ROBO1: variants seen among roughly 807,000 people sequenced by gnomAD.
ROBO1 encodes roundabout guidance receptor 1.
In ROBO1, 149 loss-of-function variants were observed where a neutral mutation model predicts 195.9. The observed-to-expected ratio is 0.76, with a 90% CI of 0.67 to 0.87. The LOEUF (loss-of-function observed/expected upper bound fraction) is 0.87. Among genes scored for constraint, ROBO1 ranks in the 40% least tolerant of loss-of-function variants. The probability of loss-of-function intolerance (pLI) is 0.00; values close to 1 mark genes in which losing one functional copy is unlikely to be tolerated. For missense variants in ROBO1, 1,933 were observed against 2,068.3 expected (o/e 0.93, Z 1.27); for synonymous variants, 816 against 733.2 (o/e 1.11, Z -1.82).
intron 1 of ROBO1, among the ~76,000 whole-genome samples, chr3:79,710,245 A>G (rs374418613): frequency 5.9e-5 from 9 of 152,296 alleles, no homozygotes; most frequent in African/African-American, 2.2e-4. Context: ...GGTAAAACAC[A>G]TGAAGCTACA....
chr3:79,501,635 A>G (rs367777332), intron 2 of ROBO1, among the ~76,000 whole-genome samples: 16 of 152,212 alleles, frequency 1.1e-4, no homozygotes, highest in African/African-American at 3.4e-4. Flanking sequence ...AAACTTTGTC[A>G]TGCATCTGTC....
intron 2 of ROBO1, among the ~76,000 whole-genome samples, chr3:79,383,127 A>G (rs2036627047): frequency 6.6e-6 from 1 of 152,130 alleles, no homozygotes; most frequent in Non-Finnish European, 1.5e-5. Flanking sequence ...ACAAATCTTT[A>G]TATGTAGGTT....
chr3:79,164,721 A>G (rs2081031874), intron 2 of ROBO1, among the ~76,000 whole-genome samples: 1 of 152,170 alleles, frequency 6.6e-6, no homozygotes, highest in African/African-American at 2.4e-5. Context: ...GTAGCAGCCT[A>G]CAAGGACTTT....
intron 2 of ROBO1, among the ~76,000 whole-genome samples, chr3:79,387,515 C>G (rs1295659298): frequency 6.6e-6 from 1 of 150,914 alleles, no homozygotes; most frequent in African/African-American, 2.4e-5. Context: ...GAAATATTAG[C>G]TAATGTTAGT....
intron 1 of ROBO1, among the ~76,000 whole-genome samples, chr3:79,759,133 T>C (rs1333072327): frequency 6.6e-6 from 1 of 152,114 alleles, no homozygotes; most frequent in African/African-American, 2.4e-5. Flanking sequence ...TAGTATGAGG[T>C]TTTTAATTGG....
intron 22 of ROBO1, among the ~76,000 whole-genome samples, chr3:78,638,307 A>G (rs956791491): frequency 2.0e-5 from 3 of 149,208 alleles, no homozygotes; most frequent in Non-Finnish European, 4.5e-5. Flanking sequence ...ATACATACAT[A>G]TATGTGTGTA....
chr3:79,080,847 T>G (rs1219063459), intron 3 of ROBO1, among the ~76,000 whole-genome samples: 1 of 152,066 alleles, frequency 6.6e-6, no homozygotes, highest in Non-Finnish European at 1.5e-5. Context: ...ATATTCAACT[T>G]TTTCTTAACC....
At chr3:79,030,956 A>G (rs1288481313) in intron 3 of ROBO1, among the ~76,000 whole-genome samples, 2 of 152,144 alleles carry the variant, frequency 1.3e-5, no homozygotes, top group African/African-American at 4.8e-5. Flanking sequence ...TCCTGAACTC[A>G]GGTGATCCAC....
At chr3:79,504,343 G>A (rs919751680) in intron 2 of ROBO1, among the ~76,000 whole-genome samples, 2 of 151,934 alleles carry the variant, frequency 1.3e-5, no homozygotes, top group Non-Finnish European at 2.9e-5. Context: ...TAATATAAAT[G>A]TATAAATATA....
intron 2 of ROBO1, among the ~76,000 whole-genome samples, chr3:79,265,381 C>T (rs2083020913): frequency 6.6e-6 from 1 of 151,330 alleles, no homozygotes; most frequent in Non-Finnish European, 1.5e-5. Flanking sequence ...CCCATTCATG[C>T]ATTTAACAAA....
At chr3:79,416,967 T>A (rs1227094648) in intron 2 of ROBO1, among the ~76,000 whole-genome samples, 1 of 152,092 alleles carries the variant, frequency 6.6e-6, no homozygotes, top group African/African-American at 2.4e-5. Context: ...GTTAAAAAAG[T>A]AACAATAACA....
At chr3:79,489,632 GGAGA>G (rs1163045481) in intron 2 of ROBO1, among the ~76,000 whole-genome samples, 2 of 149,532 alleles carry the variant, frequency 1.3e-5, no homozygotes, top group African/African-American at 4.9e-5. Flanking sequence ...TCCAGCCTGG[GGAGA>G]GTGAGACTTC....
chr3:79,186,403 AAC>A (rs762724623), intron 2 of ROBO1, among the ~76,000 whole-genome samples: 2 of 151,978 alleles, frequency 1.3e-5, no homozygotes, highest in Non-Finnish European at 2.9e-5. Flanking sequence ...CATGTCTACA[AAC>A]ACACACATTC....
intron 2 of ROBO1, among the ~76,000 whole-genome samples, chr3:79,165,961 G>T (rs1014206968): frequency 8.5e-5 from 13 of 152,202 alleles, no homozygotes; most frequent in African/African-American, 3.1e-4. Context: ...CCTGATGGAA[G>T]AATAAATTCC....
intron 2 of ROBO1, among the ~76,000 whole-genome samples, chr3:79,287,676 T>C (rs908139054): frequency 3.3e-5 from 5 of 152,182 alleles, no homozygotes; most frequent in Middle Eastern, 3.2e-3. Flanking sequence ...ACAATCCTGT[T>C]CATTTTATGT....
At chr3:78,980,936 A>C (rs554625409) in intron 3 of ROBO1, among the ~76,000 whole-genome samples, 2 of 152,190 alleles carry the variant, frequency 1.3e-5, no homozygotes, top group Admixed American at 6.6e-5. Flanking sequence ...ACCAACATCC[A>C]AACTGTTGTT....
intron 2 of ROBO1, among the ~76,000 whole-genome samples, chr3:79,255,657 G>A (rs1208438772): frequency 3.3e-5 from 5 of 152,148 alleles, no homozygotes; most frequent in Admixed American, 3.3e-4. Context: ...TGGAAGTATA[G>A]GTAAGCACAT....
intron 3 of ROBO1, among the ~76,000 whole-genome samples, chr3:78,975,555 T>TA (rs1216785316): frequency 6.6e-6 from 1 of 151,896 alleles, no homozygotes; most frequent in Non-Finnish European, 1.5e-5. Context: ...TTCCTGGTTT[T>TA]AAAAAAAGGG....
At chr3:79,759,486 A>G (rs942070818) in intron 1 of ROBO1, among the ~76,000 whole-genome samples, 2 of 152,184 alleles carry the variant, frequency 1.3e-5, no homozygotes, top group Non-Finnish European at 2.9e-5. Context: ...TACCTTTGCT[A>G]TAGTCCTATA....
Sources: gnomAD v4.1 joint callset for allele counts (sites outside exome capture counted in the v4.1 genomes callset) on GRCh38, gnomAD v4.1.1 for gene constraint, MANE v1.5 for transcripts, NCBI Gene and HGNC (gene_info 2026-07-23, HGNC 2026-07-21) for gene names.